Variants in DAAM2 observed in about 807,000 individuals in gnomAD.
The protein encoded by DAAM2 is dishevelled associated activator of morphogenesis 2, also known as disheveled-associated activator of morphogenesis 2.
A neutral mutation model predicts 120.7 loss-of-function variants in DAAM2; 39 were observed. The observed-to-expected ratio is 0.32, with a 90% CI of 0.25 to 0.42. The LOEUF is 0.42. Ranked by LOEUF, DAAM2 falls within the 10% of genes least tolerant of loss-of-function variation. The probability of loss-of-function intolerance (pLI) is 1.00; values close to 1 mark genes in which losing one functional copy is unlikely to be tolerated. For missense variants in DAAM2, 1,283 were observed against 1,401.7 expected (o/e 0.92, Z 1.35); for synonymous variants, 488 against 524.9 (o/e 0.93, Z 0.96).
intron 1 of DAAM2, 125 bp from the exon 2 acceptor site, chr6:39,856,122 G>T: frequency 8.0e-7 from 1 of 1,245,258 alleles, no homozygotes; most frequent in Non-Finnish European, 1.0e-6. Flanking sequence ...GGGTGGGTGG[G>T]GCTTTGCTAT....
Position 39,856,295 on chromosome 6 carries a change from C to T in DAAM2, c.-8C>T. 6.6e-7 allele frequency: 1 copy of T among 1,517,826 alleles called. No homozygotes were observed. Among genetic ancestry groups the T allele is most frequent in the Non-Finnish European group, 8.8e-7 (1 of 1,132,114 alleles). 94.0% of individuals were successfully genotyped at this position (1,517,826 alleles called of 1,614,324 possible). On this transcript the variant is annotated 5_prime_UTR_variant, in exon 2 of 25. Transcript: ENST00000274867. ...CTGTCTGCTGACGCCCCCTGGCCTG[C>T]AGTGACCATGGCCCCCCGCAAGAGG...
At chr6:39,898,732 C>T (rs775754584) in intron 21 of DAAM2, 145 bp from the exon 22 acceptor site, 68 of 711,088 alleles carry the variant, frequency 9.6e-5, no homozygotes, top group African/African-American at 5.3e-5. Context: ...TCAGGGCCAA[C>T]ATCAATGGCC....
chr6:39,794,254 G>A (rs1279498573), intron 1 of DAAM2, among the ~76,000 whole-genome samples: 1 of 152,166 alleles, frequency 6.6e-6, no homozygotes, highest in Non-Finnish European at 1.5e-5. Context: ...ATGACTGTGT[G>A]GTGATGGCCA....
In DAAM2 at chr6:39,904,368, A is replaced by C. The variant is rs1310909290; in HGVS notation, c.*2331A>C. Reference sequence around the variant, plus strand: ...CAACAGTGCCTTGGACCATGGACTCATACTCAACTGAGTAAGAAGGGGCTG... The same window carrying C: ...CAACAGTGCCTTGGACCATGGACTCCTACTCAACTGAGTAAGAAGGGGCTG... On this transcript the variant is annotated 3_prime_UTR_variant, in exon 25 of 25. Transcript: ENST00000274867. 3 of 456,652 alleles carry C rather than the reference A, an allele frequency of 6.6e-6. No individual in the cohort carries two copies. In the East Asian group the frequency reaches 2.1e-4, roughly 32 times the overall value. The allele number at this position is 456,652 out of a possible 1,614,324, so 28.3% of individuals were successfully genotyped here.
intron 1 of DAAM2, among the ~76,000 whole-genome samples, chr6:39,840,464 G>A (rs1000840935): frequency 5.9e-5 from 9 of 152,216 alleles, no homozygotes; most frequent in African/African-American, 2.2e-4. Flanking sequence ...AAGAGTTAAA[G>A]ATGCTTCTCT....
chr6:39,903,809 G>A lies in DAAM2; in HGVS notation c.*1772G>A, dbSNP rs555135242. ...TGTGCGTTGGTTTGAGGGGGCGGGCGGTGTGTGTGTGTTCTGGTGGGAGGG... is the reference window on the plus strand; with the variant it reads ...TGTGCGTTGGTTTGAGGGGGCGGGCAGTGTGTGTGTGTTCTGGTGGGAGGG... On this transcript the variant is annotated 3_prime_UTR_variant, in exon 25 of 25. Coordinates refer to ENST00000274867, the MANE Select transcript of DAAM2 (RefSeq NM_001201427.2). The A allele has an allele frequency of 9.1e-5, 18 of 197,416 alleles. No individual in the cohort carries two copies. Among genetic ancestry groups the A allele is most frequent in the African/African-American group, 3.8e-4 (16 of 42,636 alleles). The allele number at this position is 197,416 out of a possible 1,614,324, so 12.2% of individuals were successfully genotyped here.
intron 1 of DAAM2, among the ~76,000 whole-genome samples, chr6:39,835,666 C>T (rs1218355971): frequency 6.6e-6 from 1 of 152,196 alleles, no homozygotes. Flanking sequence ...TCAGGGAAGG[C>T]TTGAGGGGAT....
At chr6:39,897,479 T>C (rs1248490239) in intron 21 of DAAM2, 197 bp downstream of exon 21, 8 of 502,714 alleles carry the variant, frequency 1.6e-5, no homozygotes, top group African/African-American at 1.2e-4. Flanking sequence ...AAAGAAGATA[T>C]CTTGTGAGTT....
intron 1 of DAAM2, among the ~76,000 whole-genome samples, chr6:39,854,907 T>C (rs1435449207): frequency 6.6e-6 from 1 of 152,184 alleles, no homozygotes; most frequent in East Asian, 1.9e-4. Context: ...CTAGATCAGA[T>C]TTTTGTGTCA....
chr6:39,894,997 T>C (rs1328404953), intron 19 of DAAM2, among the ~76,000 whole-genome samples: 1 of 152,204 alleles, frequency 6.6e-6, no homozygotes, highest in African/African-American at 2.4e-5. Flanking sequence ...ATTATGGTTG[T>C]GGGTTGTCCC....
At chr6:39,836,975 G>T (rs528999927) in intron 1 of DAAM2, among the ~76,000 whole-genome samples, 1 of 152,312 alleles carries the variant, frequency 6.6e-6, no homozygotes, top group African/African-American at 2.4e-5. Context: ...CAGCACCTTA[G>T]CATCACCTGG....
intron 1 of DAAM2, among the ~76,000 whole-genome samples, chr6:39,794,834 A>T (rs1025811744): frequency 6.6e-6 from 1 of 152,244 alleles, no homozygotes; most frequent in African/African-American, 2.4e-5. Flanking sequence ...AATGGAAGTA[A>T]CAAGTTTAAA....
At chr6:39,821,501 C>T (rs879176688) in intron 1 of DAAM2, 10 of 152,290 alleles carry the variant, frequency 6.6e-5, no homozygotes, top group Admixed American at 6.5e-5. Context: ...GCGTTACATC[C>T]TCTTCCTTGG....
intron 11 of DAAM2, among the ~76,000 whole-genome samples, chr6:39,876,735 G>GTGTA (rs1764888058): frequency 6.6e-6 from 1 of 151,976 alleles, no homozygotes; most frequent in Admixed American, 6.6e-5. Context: ...GTGTGCGTGT[G>GTGTA]TGTATGTGCA....
chr6:39,806,258 A>G (rs541037438), intron 1 of DAAM2, among the ~76,000 whole-genome samples: 10 of 152,212 alleles, frequency 6.6e-5, no homozygotes, highest in Non-Finnish European at 1.5e-4. Context: ...TTCTCATTTA[A>G]GAGTATTTGG....
intron 1 of DAAM2, among the ~76,000 whole-genome samples, chr6:39,813,014 C>G (rs1561998550): frequency 6.6e-6 from 1 of 152,000 alleles, no homozygotes; most frequent in Non-Finnish European, 1.5e-5. Flanking sequence ...TGGATTGGCT[C>G]TCCCTGACAC....
At chr6:39,816,720 C>T (rs546293844) in intron 1 of DAAM2, among the ~76,000 whole-genome samples, 1 of 152,328 alleles carries the variant, frequency 6.6e-6, no homozygotes, top group South Asian at 2.1e-4. Context: ...CCAGCAGCCT[C>T]TGGATCACCC....
At chr6:39,841,949 G>A (rs1763357453) in intron 1 of DAAM2, among the ~76,000 whole-genome samples, 1 of 152,172 alleles carries the variant, frequency 6.6e-6, no homozygotes, top group Non-Finnish European at 1.5e-5. Flanking sequence ...AGAGGAGGGG[G>A]AAATTAAAAA....
intron 1 of DAAM2, among the ~76,000 whole-genome samples, chr6:39,811,641 C>A (rs1348280742): frequency 6.6e-6 from 1 of 152,188 alleles, no homozygotes; most frequent in Non-Finnish European, 1.5e-5. Context: ...AAACTGTTTT[C>A]TTTCTCCCTT....
Sources: allele counts gnomAD v4.1 joint callset (sites outside exome capture counted in the v4.1 genomes callset), GRCh38; gene constraint gnomAD v4.1.1; transcripts MANE v1.5; gene names NCBI Gene and HGNC (gene_info 2026-07-23, HGNC 2026-07-21).